KLF6: variants seen among roughly 807,000 people sequenced by gnomAD.
KLF6 encodes the protein KLF transcription factor 6.
For synonymous variants in KLF6, 152 were observed against 147.9 expected, an observed-to-expected ratio of 1.03 and a Z score of -0.20; for missense variants, 233 against 359.8, an observed-to-expected ratio of 0.65 and a Z score of 2.85.
chr10:3,784,772 C>T, intron 1 of KLF6, 141 bp downstream of exon 1: 1 of 738,544 alleles, frequency 1.4e-6, no homozygotes, highest in East Asian at 3.3e-5. Context: ...GATCGATCGG[C>T]GGGGGCGCTG....
chr10:3,780,086 C>A lies in KLF6; in HGVS notation c.800+20G>T. 6.2e-7 allele frequency: 1 copy of A among 1,614,112 alleles called. No individual in the cohort carries two copies. The highest frequency in any genetic ancestry group is 1.1e-5 in the South Asian group (1 of 91,080). Reference sequence around the variant, plus strand: ...CCAAGGCCCCACGCTCCTTGCCCAGCATTGTCCTCAGGCACGTACCTGTCA... The same window carrying A: ...CCAAGGCCCCACGCTCCTTGCCCAGAATTGTCCTCAGGCACGTACCTGTCA... On this transcript the variant is annotated intron_variant, in intron 3 of 3. Coordinates refer to ENST00000497571, the MANE Select transcript of KLF6 (RefSeq NM_001300.6). This position sits in a 1 kb window ranked among gnomAD's most constrained non-coding sequence, Gnocchi z 4.6.
chr10:3,781,803 G>A lies in KLF6; in HGVS notation c.514C>T (p.Pro172Ser), dbSNP rs1157965962. Residue 172 changes from proline to serine, a missense_variant, in exon 2 of 4, where the codon CCA becomes TCA. Physicochemically the swap from Pro to Ser is moderately conservative, Grantham distance 74. Coordinates refer to ENST00000497571, the MANE Select transcript of KLF6 (RefSeq NM_001300.6). The surrounding 1 kb of genome is among the most constrained non-coding windows in gnomAD (Gnocchi z 5.8). ...GAAGTCCCGCTGCGCACCTTCCCTG[G>A]CGAGGGCAGCTCCCCGGGCACGCAA... ...WGCVPGELPS[P>S]GKVRSGTSGK... is the part of the protein sequence containing the mutation. 1.2e-6 allele frequency: 2 copies of A among 1,614,096 alleles called. No individual in the cohort carries two copies. The highest frequency in any genetic ancestry group is 1.7e-6 in the Non-Finnish European group (2 of 1,180,058).
rs1329040448 is a variant in KLF6 at position 3,784,946 on chromosome 10, C to G, written c.69G>C (p.Ser23=). 5 of 1,605,212 alleles carry G rather than the reference C, an allele frequency of 3.1e-6. No homozygotes were observed. The highest frequency in any genetic ancestry group is 1.1e-5 in the South Asian group (1 of 90,596). ...AGTACTCCTCCAGAGACGGCAGCGCCGAGAAGTAGCCGGTCTCGTGCACGA... is the reference window on the plus strand; with the variant it reads ...AGTACTCCTCCAGAGACGGCAGCGCGGAGAAGTAGCCGGTCTCGTGCACGA... The part of the protein sequence containing the change: ...LQIVHETGYF[S]ALPSLEEYWQ... Residue 23 remains serine, a synonymous_variant, in exon 1 of 4, where the codon TCG becomes TCC. Transcript: ENST00000497571.
chr10:3,784,683 C>G (rs563369177), intron 1 of KLF6, among the ~76,000 whole-genome samples: 8 of 152,186 alleles, frequency 5.3e-5, no homozygotes, highest in African/African-American at 1.7e-4. Context: ...GGGACAGGCT[C>G]CGAACTCGTG....
Position 3,779,399 on chromosome 10 carries a change from A to T in KLF6, c.*140T>A. The T allele has an allele frequency of 5.3e-6, 4 of 755,518 alleles. No homozygotes were observed. The highest frequency in any genetic ancestry group is 4.4e-5 in the South Asian group (3 of 68,374). 46.8% of individuals were successfully genotyped at this position (755,518 alleles called of 1,614,324 possible). A position where few individuals can be genotyped will look rare whatever the true frequency, so the allele number is the denominator to read the frequency against. ...TTACAGGACCTTTTTAGCCCTCAAA[A>T]GACCTTCCAAGGAGAGGCCCTGGAG... is the stretch of plus-strand genomic sequence containing the variant. On this transcript the variant is annotated 3_prime_UTR_variant, in exon 4 of 4. Transcript: ENST00000497571.
rs1832401097 is a variant in KLF6, at chr10:3,777,029, A to G, written c.*2510T>C. ...AAAAAGGAGTTTTCCAAACCCAGCA[A>G]ATCAAGTGCTTGGATTCTGAACTGC... is the stretch of plus-strand genomic sequence containing the variant. On this transcript the variant is annotated 3_prime_UTR_variant, in exon 4 of 4. Coordinates refer to ENST00000497571, the MANE Select transcript of KLF6 (RefSeq NM_001300.6). 1.9e-6 allele frequency: 1 copy of G among 518,016 alleles called. No individual in the cohort carries two copies. The highest frequency in any genetic ancestry group is 3.8e-6 in the Non-Finnish European group (1 of 266,120). 32.1% of individuals were successfully genotyped at this position (518,016 alleles called of 1,614,324 possible).
At position 3,781,226 on chromosome 10, in the gene KLF6, C is replaced by T. The variant is rs140087885; in HGVS notation, c.676+415G>A. On this transcript the variant is annotated intron_variant, in intron 2 of 3. Transcript: ENST00000497571. The surrounding 1 kb of genome is among the most constrained non-coding windows in gnomAD (Gnocchi z 5.8). ...TCGGGCCGTCAGCATCAAACCCACA[C>T]ACTCCACGCTGCCCAGCAACCCTCT... The T allele has an allele frequency of 1.5e-5, 7 of 477,740 alleles. No individual in the cohort carries two copies. Among genetic ancestry groups the T allele is most frequent in the Middle Eastern group, 5.3e-4 (1 of 1,882 alleles). 29.6% of individuals were successfully genotyped at this position (477,740 alleles called of 1,614,324 possible).
In KLF6 at chr10:3,778,866, A is replaced by G. The variant is rs1220864148; in HGVS notation, c.*673T>C. 4 of 533,986 alleles carry G rather than the reference A, an allele frequency of 7.5e-6. No homozygotes were observed. The highest frequency in any genetic ancestry group is 1.4e-5 in the Non-Finnish European group (4 of 276,270). 33.1% of individuals were successfully genotyped at this position (533,986 alleles called of 1,614,324 possible). On this transcript the variant is annotated 3_prime_UTR_variant, in exon 4 of 4. Coordinates refer to ENST00000497571, the MANE Select transcript of KLF6 (RefSeq NM_001300.6). ...CAAATGAGCTATGTTGTAGCGTGTA[A>G]AACAAGCTACTTGACACATTGCACA... is the stretch of plus-strand genomic sequence containing the variant.
In KLF6 at chr10:3,779,801, G is replaced by A. The variant is rs975476240; in HGVS notation, c.801-211C>T. ...AGAATGTCCCCCACCAGTGGCTGGA[G>A]GTTCTTTGGAGAATCTGAACGGACT... On this transcript the variant is annotated intron_variant, in intron 3 of 3. Coordinates refer to ENST00000497571, the MANE Select transcript of KLF6 (RefSeq NM_001300.6). Among the ~76,000 whole-genome samples the A allele has an allele frequency of 2.0e-5, 3 of 152,350 alleles. No individual in the cohort carries two copies. The Middle Eastern group carries it at 0.01, about 518-fold the overall frequency.
At position 3,782,350 on chromosome 10, in the gene KLF6, G is replaced by T; in HGVS notation, c.103-136C>A. 2.8e-6 allele frequency: 2 copies of T among 726,526 alleles called. No homozygotes were observed. Among genetic ancestry groups the T allele is most frequent in the South Asian group, 3.0e-5 (2 of 66,820 alleles). The allele number at this position is 726,526 out of a possible 1,614,324, so 45.0% of individuals were successfully genotyped here. A position where few individuals can be genotyped will look rare whatever the true frequency, so the allele number is the denominator to read the frequency against. The stretch of plus-strand genomic sequence containing the variant: ...GGTCACTACAGGGGCAAAACCTTTT[G>T]TAATTAAGCATCCGTGTCCTTACGG... On this transcript the variant is annotated intron_variant, in intron 1 of 3. Transcript: ENST00000497571. This position sits in a 1 kb window ranked among gnomAD's most constrained non-coding sequence, Gnocchi z 4.3.
chr10:3,776,979 T>C lies in KLF6; in HGVS notation c.*2560A>G. 3.8e-6 allele frequency: 2 copies of C among 520,454 alleles called. No homozygotes were observed. The highest frequency in any genetic ancestry group is 7.5e-6 in the Non-Finnish European group (2 of 267,704). 32.2% of individuals were successfully genotyped at this position (520,454 alleles called of 1,614,324 possible). A position where few individuals can be genotyped will look rare whatever the true frequency, so the allele number is the denominator to read the frequency against. The stretch of plus-strand genomic sequence containing the variant: ...CTTACCTTCTTGCTTAATGGAATTG[T>C]TATGGCTAAGCACATAGAAGGCCAA... On this transcript the variant is annotated 3_prime_UTR_variant, in exon 4 of 4. Coordinates refer to ENST00000497571, the MANE Select transcript of KLF6 (RefSeq NM_001300.6).
Position 3,782,344 on chromosome 10 carries a change from C to A in KLF6, c.103-130G>T. The A allele has an allele frequency of 1.3e-6, 1 of 749,980 alleles. No individual in the cohort carries two copies. Among genetic ancestry groups the A allele is most frequent in the Non-Finnish European group, 2.3e-6 (1 of 430,758 alleles). 46.5% of individuals were successfully genotyped at this position (749,980 alleles called of 1,614,324 possible). On this transcript the variant is annotated intron_variant, in intron 1 of 3. Coordinates refer to ENST00000497571, the MANE Select transcript of KLF6 (RefSeq NM_001300.6). The surrounding 1 kb of genome is among the most constrained non-coding windows in gnomAD (Gnocchi z 4.3). ...CTGCCCGGTCACTACAGGGGCAAAA[C>A]CTTTTGTAATTAAGCATCCGTGTCC... is the stretch of plus-strand genomic sequence containing the variant.
rs1354116553 is a variant in KLF6, at chr10:3,782,271, C to T, written c.103-57G>A. 26 of 1,459,668 alleles carry T rather than the reference C, an allele frequency of 1.8e-5. No homozygotes were observed. In the South Asian group the frequency reaches 2.9e-4, roughly 16 times the overall value. The allele number at this position is 1,459,668 out of a possible 1,614,324, so 90.4% of individuals were successfully genotyped here. On this transcript the variant is annotated intron_variant, in intron 1 of 3. Transcript: ENST00000497571. The surrounding 1 kb of genome is among the most constrained non-coding windows in gnomAD (Gnocchi z 4.3). ...TTGCCATGACGACCAAAAGTAAAAG[C>T]AAAAGCAATTTCCAAAAACATGCAA... is the stretch of plus-strand genomic sequence containing the variant.
chr10:3,784,370 C>G (rs536068743), intron 1 of KLF6, among the ~76,000 whole-genome samples: 1 of 151,950 alleles, frequency 6.6e-6, no homozygotes, highest in South Asian at 2.1e-4. Flanking sequence ...TCTTGGTCAA[C>G]AAGAGAAGCA....
intron 1 of KLF6, among the ~76,000 whole-genome samples, chr10:3,783,050 C>G (rs1180991676): frequency 6.6e-6 from 1 of 152,204 alleles, no homozygotes; most frequent in Non-Finnish European, 1.5e-5. Flanking sequence ...AGAACTTTAT[C>G]TACTGGCCAA....
At position 3,785,128 on chromosome 10, in the gene KLF6, T is replaced by C. The variant is rs1832623011; in HGVS notation, c.-114A>G. 1 of 1,549,534 alleles carries C rather than the reference T, an allele frequency of 6.5e-7. No homozygotes were observed. The highest frequency in any genetic ancestry group is 8.7e-7 in the Non-Finnish European group (1 of 1,148,898). On this transcript the variant is annotated 5_prime_UTR_variant, in exon 1 of 4. Coordinates refer to ENST00000497571, the MANE Select transcript of KLF6 (RefSeq NM_001300.6). ...TGAAAGTTTCATGCAAACTCCAGGC[T>C]CGCAGAGACGCCCGGCCGGACCCTC...
At position 3,781,562 on chromosome 10, in the gene KLF6, G is replaced by A. The variant is rs866199239; in HGVS notation, c.676+79C>T. 4 of 1,582,848 alleles carry A rather than the reference G, an allele frequency of 2.5e-6. No individual in the cohort carries two copies. Among genetic ancestry groups the A allele is most frequent in the Non-Finnish European group, 3.4e-6 (4 of 1,164,590 alleles). On this transcript the variant is annotated intron_variant, in intron 2 of 3. Coordinates refer to ENST00000497571, the MANE Select transcript of KLF6 (RefSeq NM_001300.6). This position sits in a 1 kb window ranked among gnomAD's most constrained non-coding sequence, Gnocchi z 5.8. Reference sequence around the variant, plus strand: ...GCCCTGACCACATCCTGTGCAGCCAGGCCCGGCTCCCTCCAGGGCTGGTGC... The same window carrying A: ...GCCCTGACCACATCCTGTGCAGCCAAGCCCGGCTCCCTCCAGGGCTGGTGC...
In KLF6 at chr10:3,779,305, G is replaced by A. The variant is rs374752713; in HGVS notation, c.*234C>T. 1.7e-5 allele frequency: 11 copies of A among 663,494 alleles called. No homozygotes were observed. The highest frequency in any genetic ancestry group is 1.6e-4 in the Admixed American group (8 of 48,714). The allele number at this position is 663,494 out of a possible 1,614,324, so 41.1% of individuals were successfully genotyped here. A position where few individuals can be genotyped will look rare whatever the true frequency, so the allele number is the denominator to read the frequency against. On this transcript the variant is annotated 3_prime_UTR_variant, in exon 4 of 4. Coordinates refer to ENST00000497571, the MANE Select transcript of KLF6 (RefSeq NM_001300.6). ...ACGGCAAAGGCTTAGGCGCCGCTCG[G>A]AAGGGCGGGTACCAGTGGCGAGTCC...
At position 3,779,492 on chromosome 10, in the gene KLF6, C is replaced by G. The variant is rs76765158; in HGVS notation, c.*47G>C. On this transcript the variant is annotated 3_prime_UTR_variant, in exon 4 of 4. Coordinates refer to ENST00000497571, the MANE Select transcript of KLF6 (RefSeq NM_001300.6). ...CGCATCCCTCCTTCCACGGCCGGCT[C>G]TCAGCCTGGAAGCCTTTTAGCCTAC... 2,638 of 1,534,092 alleles carry G rather than the reference C, an allele frequency of 1.7e-3. 51 individuals carry two copies. In the African/African-American group the frequency reaches 0.032, roughly 18 times the overall value.
Sources: allele counts gnomAD v4.1 joint callset (sites outside exome capture counted in the v4.1 genomes callset), GRCh38; gene constraint gnomAD v4.1.1; non-coding constraint Gnocchi (gnomAD v3.1); transcripts MANE v1.5; gene names NCBI Gene and HGNC (gene_info 2026-07-23, HGNC 2026-07-21).